The following STRN variants were observed in gnomAD, a reference collection of about 807,000 sequenced individuals.
STRN encodes protein phosphatase 2 regulatory subunit B'''alpha.
Under a neutral mutation model 96.3 loss-of-function variants are expected in STRN, and 53 were observed. The ratio of observed to expected loss-of-function variants is 0.55; its 90% CI spans 0.44 to 0.69. STRN has a LOEUF of 0.69. Ranked by LOEUF, STRN falls within the 30% of genes least tolerant of loss-of-function variation. STRN has a pLI of 0.00. For missense variants in STRN, 987 were observed against 963.9 expected (o/e 1.02, Z -0.32); for synonymous variants, 428 against 355.9 (o/e 1.20, Z -2.28).
chr2:36,890,632 C>T (rs35786467), intron 7 of STRN, among the ~76,000 whole-genome samples: 1,982 of 151,884 alleles, frequency 0.013, 13 homozygotes, highest in Non-Finnish European at 0.019. Context: ...TTCAGGCACC[C>T]GCCCCAATGC....
intron 3 of STRN, 127 bp from the exon 4 acceptor site, chr2:36,905,745 T>C (rs1669803344): frequency 1.4e-6 from 1 of 729,742 alleles, no homozygotes. Flanking sequence ...GTAAGGTATG[T>C]GTTAGGATAA....
At chr2:36,907,527 G>A (rs938644715) in intron 3 of STRN, among the ~76,000 whole-genome samples, 3 of 151,682 alleles carry the variant, frequency 2.0e-5, no homozygotes, top group Non-Finnish European at 4.4e-5. Flanking sequence ...CAGCGTGGGT[G>A]ACAGAGCAAG....
intron 1 of STRN, among the ~76,000 whole-genome samples, chr2:36,961,128 T>TTTTTG (rs1665020788): frequency 2.1e-5 from 3 of 139,780 alleles, no homozygotes; most frequent in Non-Finnish European, 4.6e-5. Flanking sequence ...TTTTTTTTTT[T>TTTTTG]TTTTTTTTTT....
intron 1 of STRN, among the ~76,000 whole-genome samples, chr2:36,949,460 T>C (rs1019859679): frequency 6.6e-6 from 1 of 152,188 alleles, no homozygotes; most frequent in African/African-American, 2.4e-5. Flanking sequence ...TGGGAGGCAA[T>C]ACTATGTAAA....
At chr2:36,857,042 T>A (rs1205044549) in intron 14 of STRN, among the ~76,000 whole-genome samples, 1 of 151,518 alleles carries the variant, frequency 6.6e-6, no homozygotes, top group African/African-American at 2.4e-5. Context: ...AATTACCCAG[T>A]CTCAGGTATT....
chr2:36,857,835 A>T (rs1273143081), intron 14 of STRN, 21 bp downstream of exon 14: 1 of 1,593,604 alleles, frequency 6.3e-7, no homozygotes. Flanking sequence ...ATTCAGCAAA[A>T]TAATTTTTTA....
At chr2:36,903,432 A>G (rs1467699514) in intron 4 of STRN, among the ~76,000 whole-genome samples, 1 of 152,206 alleles carries the variant, frequency 6.6e-6, no homozygotes, top group Non-Finnish European at 1.5e-5. Context: ...CTATCCTTTA[A>G]AACAGACACA....
At chr2:36,853,913 A>G (rs1322608931) in intron 15 of STRN, among the ~76,000 whole-genome samples, 4 of 152,224 alleles carry the variant, frequency 2.6e-5, no homozygotes, top group Admixed American at 1.3e-4. Flanking sequence ...CAAAATAATG[A>G]TCATTTATTC....
At position 36,948,081 on chromosome 2, in the gene STRN, C is replaced by CTT. The variant is rs553351693; in HGVS notation, c.234+18147_234+18148dup. 4.3e-4 allele frequency among the ~76,000 whole-genome samples: 29 copies of CTT among 68,138 alleles called. 7 individuals are homozygous for CTT. Among genetic ancestry groups the CTT allele is most frequent in the Admixed American group, 6.4e-4 (3 of 4,662 alleles). 44.7% of individuals were successfully genotyped at this position (68,138 alleles called of 152,430 possible). On this transcript the variant is annotated intron_variant, in intron 1 of 17. Transcript: ENST00000263918. ...TCTCCTCTATAATTATCAGTGCACT[C>CTT]TTTTTTTTTTTTTTTTTTTTTTTTT... is the stretch of plus-strand genomic sequence containing the variant.
intron 2 of STRN, among the ~76,000 whole-genome samples, chr2:36,917,069 T>C (rs956422982): frequency 7.5e-6 from 1 of 132,480 alleles, no homozygotes; most frequent in African/African-American, 2.8e-5. Context: ...TAAAAATAAA[T>C]AAAAAAAAAA....
intron 12 of STRN, among the ~76,000 whole-genome samples, chr2:36,861,460 AACC>A (rs1346775069): frequency 6.6e-6 from 1 of 152,180 alleles, no homozygotes; most frequent in Non-Finnish European, 1.5e-5. Flanking sequence ...GGTCAAATCC[AACC>A]ACTGGTCTGT....
rs753354731 is a variant in STRN, at chr2:36,899,565, ATCATCT to A, written c.747_752del (p.Glu249_Asp250del). On this transcript the variant is annotated inframe_deletion, in exon 6 of 18. Transcript: ENST00000263918. Reference sequence around the variant, plus strand: ...CGCTTTTCTCTCTTCCATCAACATCATCATCTTCATCTTCATCACTGAAATCTGCAG... The same window carrying A: ...CGCTTTTCTCTCTTCCATCAACATCATCATCTTCATCACTGAAATCTGCAG... 4 of 1,613,622 alleles carry A rather than the reference ATCATCT, an allele frequency of 2.5e-6. No homozygotes were observed. Among genetic ancestry groups the A allele is most frequent in the African/African-American group, 2.7e-5 (2 of 74,998 alleles).
At chr2:36,882,533 G>A (rs1669101943) in intron 9 of STRN, among the ~76,000 whole-genome samples, 3 of 151,934 alleles carry the variant, frequency 2.0e-5, no homozygotes, top group Non-Finnish European at 2.9e-5. Flanking sequence ...TTGGGAGGCC[G>A]ACGCAGTTGG....
intron 2 of STRN, among the ~76,000 whole-genome samples, chr2:36,918,275 C>T (rs527299196): frequency 1.0e-3 from 159 of 152,100 alleles, no homozygotes; most frequent in Middle Eastern, 3.4e-3. Context: ...AGAAAGTAAA[C>T]AAAGTTCTAA....
chr2:36,929,916 T>G (rs80333993), intron 1 of STRN, among the ~76,000 whole-genome samples: 11 of 152,222 alleles, frequency 7.2e-5, no homozygotes, highest in Non-Finnish European at 1.3e-4. Flanking sequence ...ATCTTTTGAT[T>G]TGAACACAAA....
chr2:36,949,112 C>A (rs1329989339), intron 1 of STRN, among the ~76,000 whole-genome samples: 3 of 152,124 alleles, frequency 2.0e-5, no homozygotes, highest in Non-Finnish European at 2.9e-5. Context: ...TGTTTAGATA[C>A]ACAAATATTC....
At chr2:36,942,186 T>C (rs1280982710) in intron 1 of STRN, among the ~76,000 whole-genome samples, 3 of 152,184 alleles carry the variant, frequency 2.0e-5, no homozygotes, top group African/African-American at 7.2e-5. Flanking sequence ...TTTTTGTTGC[T>C]TTTCCCTGTG....
chr2:36,950,139 G>C (rs552019443), intron 1 of STRN, among the ~76,000 whole-genome samples: 1 of 151,682 alleles, frequency 6.6e-6, no homozygotes, highest in South Asian at 2.1e-4. Context: ...TGAGGGACAG[G>C]ATGGCAATAC....
intron 13 of STRN, among the ~76,000 whole-genome samples, chr2:36,858,626 T>C (rs1272158044): frequency 1.3e-5 from 2 of 152,186 alleles, no homozygotes; most frequent in Admixed American, 6.5e-5. Context: ...CACAGTCTCA[T>C]GATAAAAGTC....
Sources: allele counts gnomAD v4.1 joint callset (sites outside exome capture counted in the v4.1 genomes callset), GRCh38; gene constraint gnomAD v4.1.1; transcripts MANE v1.5; gene names NCBI Gene and HGNC (gene_info 2026-07-23, HGNC 2026-07-21).